The following TRMT2B variants were observed in gnomAD, a reference collection of about 807,000 sequenced individuals.
The protein encoded by TRMT2B is tRNA methyltransferase 2B.
Under a neutral mutation model 39.7 loss-of-function variants are expected in TRMT2B, and 34 were observed. The ratio of observed to expected loss-of-function variants is 0.86; its 90% CI spans 0.65 to 1.14. The LOEUF is 1.14. Among genes scored for constraint, TRMT2B ranks in the 50% most tolerant of loss-of-function variants. TRMT2B has a pLI of 0.00. For missense variants in TRMT2B, 318 were observed against 377.2 expected (o/e 0.84, Z 1.30); for synonymous variants, 132 against 137.3 (o/e 0.96, Z 0.27).
the TRMT2B span, among the ~76,000 whole-genome samples, chrX:100,984,803 A>C: frequency 8.9e-6 from 1 of 112,204 alleles, no homozygotes; most frequent in Non-Finnish European, 1.9e-5. Context: ...CTTCCTAAAC[A>C]GTACTTGAGC....
At chrX:101,019,156 T>C (rs1435274947) in intron 12 of TRMT2B, 86 bp from the exon 13 acceptor site, 14 of 1,120,608 alleles carry the variant, frequency 1.2e-5, no homozygotes, top group Admixed American at 4.5e-5. Flanking sequence ...GAACTCAGGA[T>C]TGATTAGAAA....
the TRMT2B span, chrX:100,987,376 CTCTTT>C: frequency 1.1e-5 from 13 of 1,206,304 alleles, no homozygotes; most frequent in African/African-American, 1.8e-4. Context: ...GCCTTCTCTT[CTCTTT>C]TGTCACAGGA....
chrX:101,047,606 C>T (rs1290705565), intron 2 of TRMT2B, among the ~76,000 whole-genome samples: 3 of 109,518 alleles, frequency 2.7e-5, no homozygotes, highest in Non-Finnish European at 5.7e-5. Flanking sequence ...CCAAGGTAGG[C>T]GGATCACCTG....
chrX:100,987,523 A>G, the TRMT2B span: 2 of 1,209,469 alleles, frequency 1.7e-6, no homozygotes, highest in Non-Finnish European at 2.2e-6. Flanking sequence ...TCCAAGAATA[A>G]CACAGGCTCT....
the TRMT2B span, among the ~76,000 whole-genome samples, chrX:100,985,487 C>A: frequency 6.3e-5 from 7 of 111,325 alleles, no homozygotes; most frequent in Admixed American, 2.9e-4. Context: ...CAGGGTTCAA[C>A]AAATTATTTG....
intron 13 of TRMT2B, among the ~76,000 whole-genome samples, chrX:101,016,624 G>A (rs1489613792): frequency 3.0e-5 from 3 of 101,622 alleles, no homozygotes; most frequent in African/African-American, 1.1e-4. Context: ...GTGCCACTAC[G>A]CCCAGCTAAT....
chrX:100,990,616 C>T, the TRMT2B span: 7 of 1,134,164 alleles, frequency 6.2e-6, no homozygotes, highest in Non-Finnish European at 8.3e-6. Flanking sequence ...AGATGGCATC[C>T]ATTGAGAATG....
chrX:101,041,160 C>T (rs1346161503), intron 4 of TRMT2B, among the ~76,000 whole-genome samples, 157 bp downstream of exon 4: 3 of 111,265 alleles, frequency 2.7e-5, no homozygotes, highest in Non-Finnish European at 3.8e-5. Flanking sequence ...GCCGAGACTG[C>T]GCCACTGAAC....
chrX:100,989,019 A>T, the TRMT2B span, among the ~76,000 whole-genome samples: 1 of 109,433 alleles, frequency 9.1e-6, no homozygotes, highest in South Asian at 3.9e-4. Context: ...AAGTAAAAGT[A>T]GGAAACATCC....
downstream of TRMT2B, among the ~76,000 whole-genome samples, chrX:101,006,065 A>C (rs773175697): frequency 1.8e-5 from 2 of 109,513 alleles, no homozygotes; most frequent in Admixed American, 9.9e-5. Flanking sequence ...TACTAAAAAT[A>C]CAAAAATCAG....
rs776398089 is a variant in TRMT2B at position 101,023,687 on chromosome X, ATTGT to A, written c.610-75_610-72del. 5.6e-6 allele frequency: 6 copies of A among 1,070,408 alleles called. 1 individual carries two copies. In the South Asian group the frequency reaches 1.1e-4, roughly 20 times the overall value. 88.2% of individuals were successfully genotyped at this position (1,070,408 alleles called of 1,213,427 possible). A position where few individuals can be genotyped will look rare whatever the true frequency, so the allele number is the denominator to read the frequency against. On this transcript the variant is annotated intron_variant, in intron 7 of 13. Transcript: ENST00000372936. The stretch of plus-strand genomic sequence containing the variant: ...CACAGCTGTTTACTCATGCTAGGTG[ATTGT>A]TTGTGTTACATTGTGTCCCCCAAAA...
intron 2 of TRMT2B, 86 bp downstream of exon 2, chrX:101,051,165 G>T: frequency 2.0e-6 from 1 of 496,963 alleles, no homozygotes; most frequent in Non-Finnish European, 2.5e-6. Flanking sequence ...GAGTCCTGGA[G>T]TCCAGAGTAG....
At chrX:101,028,112 CTTTTTTT>C (rs1161374681) in intron 7 of TRMT2B, among the ~76,000 whole-genome samples, 2 of 78,437 alleles carry the variant, frequency 2.5e-5, no homozygotes, top group Admixed American at 1.5e-4. Flanking sequence ...ACTTCTTGCT[CTTTTTTT>C]TTTTTTTTTT....
At chrX:101,000,240 C>A in the TRMT2B span, among the ~76,000 whole-genome samples, 1 of 108,746 alleles carries the variant, frequency 9.2e-6, no homozygotes, top group African/African-American at 3.4e-5. Context: ...CCTGCCTGAG[C>A]CTCCTGAGTA....
intron 10 of TRMT2B, 83 bp downstream of exon 10, chrX:101,021,018 T>C: frequency 1.1e-6 from 1 of 896,088 alleles, no homozygotes; most frequent in Non-Finnish European, 1.6e-6. Context: ...CCACTACCAC[T>C]ACCTCTCCCC....
chrX:101,028,594 C>A (rs1019678137), intron 7 of TRMT2B, among the ~76,000 whole-genome samples: 1 of 111,838 alleles, frequency 8.9e-6, no homozygotes, highest in Non-Finnish European at 1.9e-5. Context: ...ACCACGCCCC[C>A]ACCAATAATC....
chrX:101,035,727 T>C (rs1189636498), intron 6 of TRMT2B, 44 bp from the exon 7 acceptor site: 1 of 1,117,322 alleles, frequency 8.9e-7, no homozygotes, highest in African/African-American at 1.8e-5. Flanking sequence ...TCTTAAAAGA[T>C]TATTTAAAAG....
chrX:100,981,444 G>A, the TRMT2B span, among the ~76,000 whole-genome samples: 1 of 110,243 alleles, frequency 9.1e-6, no homozygotes, highest in African/African-American at 3.3e-5. Context: ...AGGGGATGAG[G>A]AAAGGGTGGT....
chrX:101,003,595 C>G, the TRMT2B span, among the ~76,000 whole-genome samples: 1 of 111,542 alleles, frequency 9.0e-6, no homozygotes, highest in Non-Finnish European at 1.9e-5. Flanking sequence ...GGTAATCCAC[C>G]TGCCTCAGCC....
Sources: gnomAD v4.1 joint callset for allele counts (sites outside exome capture counted in the v4.1 genomes callset) on GRCh38, gnomAD v4.1.1 for gene constraint, MANE v1.5 for transcripts, NCBI Gene and HGNC (gene_info 2026-07-23, HGNC 2026-07-21) for gene names.